The following GPR39 variants were observed in gnomAD, a reference collection of about 807,000 sequenced individuals.
GPR39 encodes G protein-coupled receptor 39.
GPR39 carries 23 observed loss-of-function variants against 18.4 expected under a neutral mutation model. That is an observed-to-expected ratio of 1.25 (90% CI 0.90 to 1.77). GPR39 has a LOEUF of 1.77. Among genes scored for constraint, GPR39 ranks in the 40% most tolerant of loss-of-function variants. The probability of loss-of-function intolerance (pLI) is 0.00; values close to 1 mark genes in which losing one functional copy is unlikely to be tolerated. For synonymous variants in GPR39, 280 were observed against 257.9 expected, an observed-to-expected ratio of 1.09 and a Z score of -0.82; for missense variants, 647 against 602.4, an observed-to-expected ratio of 1.07 and a Z score of -0.78.
intron 1 of GPR39, among the ~76,000 whole-genome samples, chr2:132,438,701 C>T (rs7609324): frequency 0.018 from 2,734 of 149,998 alleles, 87 homozygotes; most frequent in African/African-American, 0.061. Context: ...AAAAAATTTA[C>T]CAACTGATGC....
intron 1 of GPR39, among the ~76,000 whole-genome samples, chr2:132,546,184 T>C (rs2104790284): frequency 6.6e-6 from 1 of 152,304 alleles, no homozygotes; most frequent in South Asian, 2.1e-4. Flanking sequence ...TGAGTGTGCC[T>C]CAGAATCACT....
intron 1 of GPR39, among the ~76,000 whole-genome samples, chr2:132,513,748 GC>G (rs1433100481): frequency 6.6e-6 from 1 of 152,042 alleles, no homozygotes; most frequent in African/African-American, 2.4e-5. Context: ...GGTCACTCTG[GC>G]CCCCCGAGTG....
At chr2:132,546,623 A>G (rs1213291592) in intron 1 of GPR39, among the ~76,000 whole-genome samples, 3 of 151,974 alleles carry the variant, frequency 2.0e-5, no homozygotes, top group African/African-American at 4.8e-5. Context: ...AACCAAAATT[A>G]CTTTCTCCCT....
At chr2:132,571,770 G>A (rs934323956) in intron 1 of GPR39, among the ~76,000 whole-genome samples, 1 of 152,158 alleles carries the variant, frequency 6.6e-6, no homozygotes, top group Non-Finnish European at 1.5e-5. Context: ...GTCTCTTTGA[G>A]GAGATTAAAC....
At chr2:132,436,769 C>T (rs1465917367) in intron 1 of GPR39, among the ~76,000 whole-genome samples, 1 of 152,174 alleles carries the variant, frequency 6.6e-6, no homozygotes, top group Non-Finnish European at 1.5e-5. Flanking sequence ...CTTGGTGCTT[C>T]TGCTCGGTCC....
At chr2:132,636,999 C>G (rs1681773283) in intron 1 of GPR39, among the ~76,000 whole-genome samples, 1 of 152,188 alleles carries the variant, frequency 6.6e-6, no homozygotes, top group Non-Finnish European at 1.5e-5. Context: ...GTTTATGTAG[C>G]TGCACCACAT....
At position 132,546,993 on chromosome 2, in the gene GPR39, G is replaced by C. The variant is rs77518272; in HGVS notation, c.857-98108G>C. ...TGCCTGAATTAATGTTAATTCAAGGGGGTATTTTCAAAAAGTGGTCCTTGG... is the reference window on the plus strand; with the variant it reads ...TGCCTGAATTAATGTTAATTCAAGGCGGTATTTTCAAAAAGTGGTCCTTGG... On this transcript the variant is annotated intron_variant, in intron 1 of 1. Coordinates refer to ENST00000329321, the MANE Select transcript of GPR39 (RefSeq NM_001508.3). Among the ~76,000 whole-genome samples the C allele has an allele frequency of 2.5e-3, 379 of 152,164 alleles. 8 individuals carry two copies. The East Asian group carries it at 0.064, about 26-fold the overall frequency.
At chr2:132,613,931 T>C (rs1372193655) in intron 1 of GPR39, among the ~76,000 whole-genome samples, 1 of 152,232 alleles carries the variant, frequency 6.6e-6, no homozygotes, top group African/African-American at 2.4e-5. Flanking sequence ...AGAGTGATTA[T>C]GTGTATAAAT....
chr2:132,558,901 A>G (rs1680199949), intron 1 of GPR39, among the ~76,000 whole-genome samples: 1 of 152,172 alleles, frequency 6.6e-6, no homozygotes, highest in Non-Finnish European at 1.5e-5. Flanking sequence ...TGTGCTAGGG[A>G]AAAAAGCTCC....
intron 1 of GPR39, among the ~76,000 whole-genome samples, chr2:132,529,506 T>C (rs1679573016): frequency 6.6e-6 from 1 of 152,182 alleles, no homozygotes; most frequent in African/African-American, 2.4e-5. Context: ...AAAAGAGTAG[T>C]GGTTCTCCCA....
chr2:132,466,459 G>C (rs1411451879), intron 1 of GPR39, among the ~76,000 whole-genome samples: 2 of 152,122 alleles, frequency 1.3e-5, no homozygotes, highest in Non-Finnish European at 2.9e-5. Flanking sequence ...GTCAGGGTAG[G>C]CTCCAGCAAA....
intron 1 of GPR39, among the ~76,000 whole-genome samples, chr2:132,588,307 C>T (rs961320417): frequency 6.6e-6 from 1 of 152,146 alleles, no homozygotes; most frequent in African/African-American, 2.4e-5. Flanking sequence ...CTCTGTATCC[C>T]TTGGTGGGAG....
At chr2:132,559,594 C>T (rs1340714000) in intron 1 of GPR39, among the ~76,000 whole-genome samples, 3 of 152,134 alleles carry the variant, frequency 2.0e-5, no homozygotes, top group South Asian at 4.2e-4. Flanking sequence ...ACAGCTCTCC[C>T]GGCCAGGTCT....
chr2:132,511,237 A>G (rs1232290043), intron 1 of GPR39, among the ~76,000 whole-genome samples: 2 of 152,196 alleles, frequency 1.3e-5, no homozygotes, highest in Non-Finnish European at 2.9e-5. Flanking sequence ...ACCAAACCTG[A>G]TATTTTATAA....
rs1573643565 is a variant in GPR39, at chr2:132,520,488, G to A, written c.856+102590G>A. Among the ~76,000 whole-genome samples, 6 of 152,330 alleles carry A rather than the reference G, an allele frequency of 3.9e-5. 1 individual carries two copies. Among genetic ancestry groups the A allele is most frequent in the South Asian group, 2.1e-4 (1 of 4,826 alleles). On this transcript the variant is annotated intron_variant, in intron 1 of 1. Coordinates refer to ENST00000329321, the MANE Select transcript of GPR39 (RefSeq NM_001508.3). ...GAACTGCCTTTCCTCTCTGTTGGAA[G>A]ATGAGGCATCACCTCTCATTCAGCT...
intron 1 of GPR39, among the ~76,000 whole-genome samples, chr2:132,539,762 G>T (rs1283261068): frequency 1.3e-5 from 2 of 152,106 alleles, no homozygotes; most frequent in South Asian, 4.1e-4. Context: ...CAGTCACAAG[G>T]CTTTCCCAGA....
intron 1 of GPR39, among the ~76,000 whole-genome samples, chr2:132,558,886 G>A (rs1403257457): frequency 6.6e-6 from 1 of 152,120 alleles, no homozygotes; most frequent in African/African-American, 2.4e-5. Flanking sequence ...TTGGCTCAAT[G>A]TATCTGTGCT....
At chr2:132,586,766 G>A (rs1232106821) in intron 1 of GPR39, among the ~76,000 whole-genome samples, 2 of 152,178 alleles carry the variant, frequency 1.3e-5, no homozygotes, top group African/African-American at 2.4e-5. Flanking sequence ...AAAAGAATAT[G>A]GTGCTGTCTG....
intron 1 of GPR39, among the ~76,000 whole-genome samples, chr2:132,560,688 T>A (rs899052379): frequency 6.6e-6 from 1 of 152,202 alleles, no homozygotes; most frequent in African/African-American, 2.4e-5. Flanking sequence ...CTTCTCAGCC[T>A]CTTTTCCTGG....
Sources: gnomAD v4.1 joint callset for allele counts (sites outside exome capture counted in the v4.1 genomes callset) on GRCh38, gnomAD v4.1.1 for gene constraint, MANE v1.5 for transcripts, NCBI Gene and HGNC (gene_info 2026-07-23, HGNC 2026-07-21) for gene names.